COL4A5: variants seen among roughly 807,000 people sequenced by gnomAD.
COL4A5 encodes the protein collagen type IV alpha 5 chain.
Under a neutral mutation model 130.2 loss-of-function variants are expected in COL4A5, and 26 were observed. The observed-to-expected ratio is 0.20, with a 90% CI of 0.15 to 0.28. The LOEUF is 0.28. COL4A5 is among the 10% of genes least tolerant of loss of function. The pLI is 1.00. For missense variants in COL4A5, 1,131 were observed against 1,344.3 expected (o/e 0.84, Z 2.48); for synonymous variants, 496 against 439.6 (o/e 1.13, Z -1.60).
At chrX:108,512,238 C>T (rs2065185133) in intron 1 of COL4A5, among the ~76,000 whole-genome samples, 2 of 111,685 alleles carry the variant, frequency 1.8e-5, no homozygotes, top group African/African-American at 6.5e-5. Context: ...GTAATCCATT[C>T]CCCATCATGT....
intron 31 of COL4A5, among the ~76,000 whole-genome samples, chrX:108,621,167 T>A (rs1405272965): frequency 7.8e-5 from 8 of 103,057 alleles, no homozygotes; most frequent in Non-Finnish European, 1.6e-4. Context: ...CTTTTTTTTT[T>A]TTTGAGACAG....
intron 1 of COL4A5, among the ~76,000 whole-genome samples, chrX:108,488,533 A>C (rs1480038203): frequency 7.1e-5 from 8 of 112,089 alleles, no homozygotes; most frequent in Non-Finnish European, 1.5e-4. Context: ...AGTTGTGCCC[A>C]ATTTACACTC....
At chrX:108,676,188 A>G (rs1180220344) in intron 43 of COL4A5, among the ~76,000 whole-genome samples, 2 of 112,602 alleles carry the variant, frequency 1.8e-5, no homozygotes, top group Non-Finnish European at 1.9e-5. Flanking sequence ...TTCTAAATTC[A>G]TAACAAGTGC....
chrX:108,599,324 G>A (rs191869798), intron 25 of COL4A5, among the ~76,000 whole-genome samples: 100 of 111,552 alleles, frequency 9.0e-4, no homozygotes, highest in African/African-American at 2.8e-3. Context: ...TTTAAACAGA[G>A]TATTTTAATT....
chrX:108,499,117 T>C lies in COL4A5; in HGVS notation c.82-40629T>C, dbSNP rs73524461. 1.2e-3 allele frequency among the ~76,000 whole-genome samples: 133 copies of C among 111,888 alleles called. 1 individual carries two copies. Among genetic ancestry groups the C allele is most frequent in the African/African-American group, 4.1e-3 (126 of 30,932 alleles). On this transcript the variant is annotated intron_variant, in intron 1 of 52. Coordinates refer to ENST00000328300, the MANE Select transcript of COL4A5 (RefSeq NM_033380.3). ...TTCAGTATTTCACTATTAAGTATTA[T>C]GCAATATGTATGTATTTTACATGCA... is the stretch of plus-strand genomic sequence containing the variant.
chrX:108,602,690 A>G (rs1434476190), intron 27 of COL4A5, among the ~76,000 whole-genome samples: 1 of 112,051 alleles, frequency 8.9e-6, no homozygotes, highest in Admixed American at 9.5e-5. Flanking sequence ...TGTGGGATTC[A>G]TTCCTTACAA....
chrX:108,598,435 A>C (rs902988635), intron 24 of COL4A5, among the ~76,000 whole-genome samples: 4 of 111,780 alleles, frequency 3.6e-5, no homozygotes, highest in Non-Finnish European at 7.5e-5. Context: ...TTACACTAAA[A>C]TGTAAGCTGC....
intron 21 of COL4A5, among the ~76,000 whole-genome samples, chrX:108,594,154 A>G (rs1190965722): frequency 3.6e-5 from 4 of 112,133 alleles, no homozygotes; most frequent in African/African-American, 1.3e-4. Context: ...TTCTTACTTA[A>G]AAAGCAGGCC....
At chrX:108,592,871 A>G (rs2066459300) in intron 21 of COL4A5, among the ~76,000 whole-genome samples, 1 of 110,315 alleles carries the variant, frequency 9.1e-6, no homozygotes, top group Non-Finnish European at 1.9e-5. Flanking sequence ...AGTATCCCCC[A>G]AAGGTAATCA....
chrX:108,652,226 G>T (rs992105307), intron 36 of COL4A5, among the ~76,000 whole-genome samples: 10 of 112,066 alleles, frequency 8.9e-5, no homozygotes, highest in African/African-American at 3.2e-4. Context: ...ATTATGTGCA[G>T]TTTTATATAT....
chrX:108,681,288 AAT>A (rs1268775593), intron 46 of COL4A5, among the ~76,000 whole-genome samples: 2 of 111,079 alleles, frequency 1.8e-5, no homozygotes, highest in Non-Finnish European at 3.8e-5. Flanking sequence ...TCGATATTAA[AAT>A]AGTTCTTTTT....
At chrX:108,603,170 T>A (rs1026517940) in intron 28 of COL4A5, 109 bp downstream of exon 28, 3 of 485,090 alleles carry the variant, frequency 6.2e-6, no homozygotes, top group Middle Eastern at 4.6e-4. Flanking sequence ...AAGTCTTTAC[T>A]ATAAATATAC....
chrX:108,458,977 CAA>C (rs60364374), intron 1 of COL4A5, among the ~76,000 whole-genome samples: 103 of 95,055 alleles, frequency 1.1e-3, no homozygotes, highest in East Asian at 1.4e-3. Flanking sequence ...GACTCCGTCT[CAA>C]AAAAAAAAAA....
rs766057584 is a variant in COL4A5, at chrX:108,644,058, A to G, written c.3247-11273A>G. Among the ~76,000 whole-genome samples, 6 of 112,347 alleles carry G rather than the reference A, an allele frequency of 5.3e-5. No individual in the cohort carries two copies. In the South Asian group the frequency reaches 2.2e-3, roughly 41 times the overall value. ...GTGGAAAAAAGCCTTTCATGCAAAT[A>G]GACACCAAAAGCGAGCAAGAGTAGC... On this transcript the variant is annotated intron_variant, in intron 36 of 52. Coordinates refer to ENST00000328300, the MANE Select transcript of COL4A5 (RefSeq NM_033380.3).
chrX:108,471,131 C>T (rs751252376), intron 1 of COL4A5, among the ~76,000 whole-genome samples: 8 of 111,335 alleles, frequency 7.2e-5, no homozygotes, highest in Non-Finnish European at 1.3e-4. Flanking sequence ...TATTTGGGCT[C>T]TTTTTTGGTT....
At position 108,692,841 on chromosome X, in the gene COL4A5, A is replaced by G. The variant is rs2147998574; in HGVS notation, c.4622A>G (p.Tyr1541Cys). The change falls in exon 50 of 53, where the codon TAT becomes TGT. Residue 1541 changes from tyrosine (Y) to cysteine (C), a missense_variant. Tyr to Cys is a radical substitution (Grantham distance 194). Transcript: ENST00000328300. ...TGCAACTTTGCTTCAAGAAATGACT[A>G]TTCTTACTGGCTCTCTACCCCAGAG... ...NVCNFASRND[Y>C]SYWLSTPEPM... 2 of 1,210,582 alleles carry G rather than the reference A, an allele frequency of 1.7e-6. No individual in the cohort carries two copies. The highest frequency in any genetic ancestry group is 1.7e-5 in the African/African-American group (1 of 57,712).
chrX:108,531,787 C>T (rs959011159), intron 1 of COL4A5, among the ~76,000 whole-genome samples: 1 of 111,535 alleles, frequency 9.0e-6, no homozygotes, highest in Admixed American at 9.5e-5. Flanking sequence ...TACACAAGAT[C>T]ATCAGAGATT....
intron 16 of COL4A5, among the ~76,000 whole-genome samples, chrX:108,582,277 A>G (rs1004839077): frequency 5.4e-5 from 6 of 111,131 alleles, no homozygotes; most frequent in Non-Finnish European, 7.5e-5. Context: ...GTCTTGATTC[A>G]GGCAGCTGTG....
intron 29 of COL4A5, among the ~76,000 whole-genome samples, chrX:108,612,454 A>G (rs867758596): frequency 5.0e-4 from 56 of 111,732 alleles, no homozygotes; most frequent in African/African-American, 1.7e-3. Flanking sequence ...TCGTAGGATC[A>G]TAGGACAAAG....
Sources: gnomAD v4.1 joint callset for allele counts (sites outside exome capture counted in the v4.1 genomes callset) on GRCh38, gnomAD v4.1.1 for gene constraint, MANE v1.5 for transcripts, NCBI Gene and HGNC (gene_info 2026-07-23, HGNC 2026-07-21) for gene names.